The following STK11IP variants were observed in gnomAD, a reference collection of about 807,000 sequenced individuals.
STK11IP encodes the protein serine/threonine-protein kinase 11-interacting protein.
In STK11IP, 103 loss-of-function variants were observed where a neutral mutation model predicts 131.7. The ratio of observed to expected loss-of-function variants is 0.78; its 90% CI spans 0.67 to 0.92. The LOEUF (loss-of-function observed/expected upper bound fraction) is 0.92. Ranked by LOEUF, STK11IP falls within the 40% of genes least tolerant of loss-of-function variation. The pLI, the probability that STK11IP is intolerant of heterozygous loss-of-function variation, is 0.00. For synonymous variants in STK11IP, 557 were observed against 575.6 expected, an observed-to-expected ratio of 0.97 and a Z score of 0.46; for missense variants, 1,315 against 1,385.7, an observed-to-expected ratio of 0.95 and a Z score of 0.81.
intron 15 of STK11IP, 89 bp from the exon 16 acceptor site, chr2:219,609,008 T>A (rs1041607797): frequency 5.3e-6 from 6 of 1,134,344 alleles, no homozygotes; most frequent in Admixed American, 2.1e-5. Context: ...GCTTCAGAGG[T>A]CCTGCCATCC....
rs934349509 is a variant in STK11IP, at chr2:219,616,332, C to G, written c.*139C>G. 8 of 1,160,566 alleles carry G rather than the reference C, an allele frequency of 6.9e-6. No homozygotes were observed. Among genetic ancestry groups the G allele is most frequent in the African/African-American group, 1.6e-5 (1 of 64,290 alleles). The allele number at this position is 1,160,566 out of a possible 1,614,324, so 71.9% of individuals were successfully genotyped here. A position where few individuals can be genotyped will look rare whatever the true frequency, so the allele number is the denominator to read the frequency against. On this transcript the variant is annotated 3_prime_UTR_variant, in exon 25 of 25. Transcript: ENST00000456909. ...TGCTGGCCAGTGAGGTCCCAAATGA[C>G]CCAGGGCTTAAGGGAGAGGCGAGAG... is the stretch of plus-strand genomic sequence containing the variant.
Position 219,615,228 on chromosome 2 carries a change from T to C in STK11IP, c.3004T>C (p.Ser1002Pro). The change falls in exon 24 of 25, where the codon TCG (serine) becomes CCG (proline). Residue 1002 changes from serine (S) to proline (P), a missense_variant. By Grantham distance (74) the Ser-to-Pro change is moderately conservative. Transcript: ENST00000456909. Reference protein sequence around the residue: ...SGEASEKVPPSGPGPAVRVRE... With the variant: ...SGEASEKVPPPGPGPAVRVRE... ...CGAAGCCTCTGAGAAGGTGCCTCCC[T>C]CGGGGCCGGGCCCTGCTGTGCGTGT... 1 of 1,594,768 alleles carries C rather than the reference T, an allele frequency of 6.3e-7. No homozygotes were observed. The highest frequency in any genetic ancestry group is 8.5e-7 in the Non-Finnish European group (1 of 1,175,268).
At chr2:219,610,004 A>G (rs1044982913) in intron 17 of STK11IP, 3 of 191,996 alleles carry the variant, frequency 1.6e-5, no homozygotes, top group African/African-American at 6.9e-5. Flanking sequence ...CTTGGAAGGT[A>G]CATAATGTCC....
intron 21 of STK11IP, 94 bp from the exon 22 acceptor site, chr2:219,614,067 A>G (rs888394005): frequency 1.9e-6 from 3 of 1,546,470 alleles, no homozygotes; most frequent in Non-Finnish European, 2.7e-6. Flanking sequence ...TCTGAAATCC[A>G]GAAATGTGGA....
Position 219,602,574 on chromosome 2 carries a change from TG to T in STK11IP, c.546+1del, listed in dbSNP as rs752721228. 6.2e-7 allele frequency: 1 copy of T among 1,613,868 alleles called. No homozygotes were observed. Among genetic ancestry groups the T allele is most frequent in the East Asian group, 2.2e-5 (1 of 44,884 alleles). On this transcript the variant is annotated frameshift_variant and splice_region_variant, in exon 6 of 25. Transcript: ENST00000456909. LOFTEE classifies it high-confidence loss of function. ...YNALTALDSS[L>X]RLLSALRFLN... ...GCACTGACCGCCTTAGACAGCTCCCTGGTGAGTGCCTCAGAGGGAAGAGGGT... is the reference window on the plus strand; with the variant it reads ...GCACTGACCGCCTTAGACAGCTCCCTGTGAGTGCCTCAGAGGGAAGAGGGT...
intron 17 of STK11IP, chr2:219,609,960 G>A (rs918958358): frequency 1.2e-4 from 25 of 214,836 alleles, no homozygotes; most frequent in African/African-American, 5.4e-4. Context: ...TGAGATGCTT[G>A]GGGAGTTGGC....
chr2:219,606,143 A>C (rs1295124399), intron 9 of STK11IP, 52 bp from the exon 10 acceptor site: 1 of 1,538,944 alleles, frequency 6.5e-7, no homozygotes, highest in East Asian at 2.4e-5. Context: ...TTCTTCACAC[A>C]GGGAGGGCCA....
intron 17 of STK11IP, among the ~76,000 whole-genome samples, chr2:219,611,334 C>T (rs1559185554): frequency 6.6e-6 from 1 of 152,110 alleles, no homozygotes; most frequent in Non-Finnish European, 1.5e-5. Flanking sequence ...TGTGTTTGGC[C>T]CAGTCTGAGA....
chr2:219,602,253 T>G (rs1698011251), intron 5 of STK11IP, among the ~76,000 whole-genome samples, 170 bp downstream of exon 5: 1 of 152,252 alleles, frequency 6.6e-6, no homozygotes, highest in South Asian at 2.1e-4. Flanking sequence ...TGTATATTTA[T>G]AGTCGTACCT....
Position 219,601,374 on chromosome 2 carries a change from C to G in STK11IP, c.201C>G (p.Ala67=). 1 of 1,614,032 alleles carries G rather than the reference C, an allele frequency of 6.2e-7. No homozygotes were observed. Among genetic ancestry groups the G allele is most frequent in the Middle Eastern group, 1.6e-4 (1 of 6,062 alleles). Residue 67 remains alanine (A), a synonymous_variant, in exon 3 of 25, where the codon GCC becomes GCG. Coordinates refer to ENST00000456909, the MANE Select transcript of STK11IP (RefSeq NM_052902.4). ...TTGTGGCTCTGCCCTCCCATCCTGC[C>G]GACTCCCCTGTTATTCTTCAGCTTC... ...TGFVALPSHP[A]DSPVILQLQF...
At position 219,607,037 on chromosome 2, in the gene STK11IP, C is replaced by T. The variant is rs755810134; in HGVS notation, c.1135-16C>T. 1.9e-6 allele frequency: 3 copies of T among 1,613,730 alleles called. No homozygotes were observed. In the African/African-American group the frequency reaches 4.0e-5, roughly 22 times the overall value. ...GGCTTGGCTTTCACAGAACTTCTTCCCTCCACCAACCTCAGAGCCGAGTCC... is the reference window on the plus strand; with the variant it reads ...GGCTTGGCTTTCACAGAACTTCTTCTCTCCACCAACCTCAGAGCCGAGTCC... On this transcript the variant is annotated splice_polypyrimidine_tract_variant and intron_variant, in intron 12 of 24. Coordinates refer to ENST00000456909, the MANE Select transcript of STK11IP (RefSeq NM_052902.4).
At position 219,608,329 on chromosome 2, in the gene STK11IP, A is replaced by C; in HGVS notation, c.1502A>C (p.Lys501Thr). ...RAEPQEEEEE[K>T]EGKEEKEEGE... ...GAGCCACAGGAGGAGGAAGAGGAGA[A>C]GGAGGGGAAGGAGGAGAAGGAGGAG... The change falls in exon 14 of 25, where the codon AAG (lysine) becomes ACG (threonine). Residue 501 changes from lysine (K) to threonine (T), a missense_variant. Coordinates refer to ENST00000456909, the MANE Select transcript of STK11IP (RefSeq NM_052902.4). The C allele has an allele frequency of 6.3e-7, 1 of 1,595,922 alleles. No individual in the cohort carries two copies. Among genetic ancestry groups the C allele is most frequent in the Non-Finnish European group, 8.5e-7 (1 of 1,171,296 alleles).
intron 9 of STK11IP, 33 bp from the exon 10 acceptor site, chr2:219,606,162 G>A (rs1019508884): frequency 3.2e-6 from 5 of 1,550,656 alleles, no homozygotes; most frequent in East Asian, 4.9e-5. Context: ...CAGGGCCCCA[G>A]GCCCTCCTCA....
At chr2:219,602,221 C>T in intron 5 of STK11IP, 138 bp downstream of exon 5, 1 of 691,114 alleles carries the variant, frequency 1.4e-6, no homozygotes, top group Non-Finnish European at 2.5e-6. Flanking sequence ...TCTCTGTGTT[C>T]CCGCAGCACT....
intron 17 of STK11IP, among the ~76,000 whole-genome samples, chr2:219,610,916 T>C (rs674640): frequency 0.88 from 133,678 of 152,214 alleles, 61,273 homozygotes; most frequent in East Asian, 1. Context: ...ATTTTCTTTC[T>C]TCTTTGCAAA....
At chr2:219,602,196 A>C (rs2106147713) in intron 5 of STK11IP, 113 bp downstream of exon 5, 2 of 792,852 alleles carry the variant, frequency 2.5e-6, no homozygotes, top group East Asian at 2.7e-5. Context: ...CCCTCTAGAC[A>C]GTGTCCTCAC....
At chr2:219,606,339 C>T in intron 10 of STK11IP, 49 bp downstream of exon 10, 1 of 1,546,730 alleles carries the variant, frequency 6.5e-7, no homozygotes, top group Non-Finnish European at 8.8e-7. Context: ...CTGCCCAGTC[C>T]TCCCCCACCT....
chr2:219,602,592 G>T lies in STK11IP; in HGVS notation c.546+17G>T, dbSNP rs374868111. ...AGCTCCCTGGTGAGTGCCTCAGAGG[G>T]AAGAGGGTTTCGAGGAAGGGCAAGG... is the stretch of plus-strand genomic sequence containing the variant. On this transcript the variant is annotated intron_variant, in intron 6 of 24. Coordinates refer to ENST00000456909, the MANE Select transcript of STK11IP (RefSeq NM_052902.4). 1.2e-6 allele frequency: 2 copies of T among 1,613,174 alleles called. No homozygotes were observed. Among genetic ancestry groups the T allele is most frequent in the East Asian group, 4.5e-5 (2 of 44,890 alleles).
chr2:219,609,204 A>T lies in STK11IP; in HGVS notation c.1917A>T (p.Ala639=), dbSNP rs765926497. The T allele has an allele frequency of 6.2e-7, 1 of 1,602,674 alleles. No homozygotes were observed. The highest frequency in any genetic ancestry group is 8.5e-7 in the Non-Finnish European group (1 of 1,174,746). The part of the protein sequence containing the change: ...RYLVLEPDAH[A]AVQELLAVLT... ...TGGTGCTGGAGCCTGATGCCCACGCAGCTGTCCAGGTGATGGCGCCCAGAG... is the reference window on the plus strand; with the variant it reads ...TGGTGCTGGAGCCTGATGCCCACGCTGCTGTCCAGGTGATGGCGCCCAGAG... Residue 639 remains alanine, a synonymous_variant, in exon 16 of 25, where the codon GCA becomes GCT. Transcript: ENST00000456909.
Sources: gnomAD v4.1 joint callset for allele counts (sites outside exome capture counted in the v4.1 genomes callset) on GRCh38, gnomAD v4.1.1 for gene constraint, MANE v1.5 for transcripts, NCBI Gene and HGNC (gene_info 2026-07-23, HGNC 2026-07-21) for gene names.